CCDC192: variants seen among roughly 807,000 people sequenced by gnomAD.
CCDC192 encodes coiled-coil domain containing 192.
chr5:127,897,491 A>T (rs945293772), intron 6 of CCDC192, among the ~76,000 whole-genome samples: 3 of 152,228 alleles, frequency 2.0e-5, no homozygotes, highest in Admixed American at 2.0e-4. Flanking sequence ...CTAAGTGCTT[A>T]TGACAGAGCA....
intron 6 of CCDC192, among the ~76,000 whole-genome samples, chr5:127,919,787 A>G (rs1429488627): frequency 6.6e-6 from 1 of 152,110 alleles, no homozygotes; most frequent in Non-Finnish European, 1.5e-5. Flanking sequence ...ATCTCACAAG[A>G]TATCACTCTC....
chr5:127,746,612 CTT>C lies in CCDC192; in HGVS notation c.115-7643_115-7642del, dbSNP rs5871272. On this transcript the variant is annotated intron_variant, in intron 2 of 6. Coordinates refer to ENST00000514853, the MANE Select transcript of CCDC192 (RefSeq NM_001317938.2). ...AATACACAAGAATTTTGTTTAAAGCCTTTTTTTTTTTTTTGAGAATTTTTGAA... is the reference window on the plus strand; with the variant it reads ...AATACACAAGAATTTTGTTTAAAGCCTTTTTTTTTTTTGAGAATTTTTGAA... Among the ~76,000 whole-genome samples the C allele has an allele frequency of 8.6e-4, 123 of 143,630 alleles. 1 individual carries two copies. Among genetic ancestry groups the C allele is most frequent in the East Asian group, 3.4e-3 (17 of 4,956 alleles). 94.2% of individuals were successfully genotyped at this position (143,630 alleles called of 152,430 possible).
At chr5:127,888,984 G>A (rs1252351952) in intron 6 of CCDC192, among the ~76,000 whole-genome samples, 1 of 150,780 alleles carries the variant, frequency 6.6e-6, no homozygotes, top group Non-Finnish European at 1.5e-5. Context: ...AAGCCAAAGG[G>A]AGGTAATTTA....
intron 6 of CCDC192, among the ~76,000 whole-genome samples, chr5:127,917,862 G>A (rs1008277149): frequency 1.3e-5 from 2 of 152,066 alleles, no homozygotes; most frequent in African/African-American, 4.8e-5. Flanking sequence ...CACTAAAACC[G>A]GGCATGGTGG....
rs142832738 is a variant in CCDC192, at chr5:127,708,980, C to T, written c.114+1220C>T. Among the ~76,000 whole-genome samples the T allele has an allele frequency of 9.6e-4, 146 of 151,926 alleles. No homozygotes were observed. In the Middle Eastern group the frequency reaches 0.031, roughly 32 times the overall value. On this transcript the variant is annotated intron_variant, in intron 2 of 6. Coordinates refer to ENST00000514853, the MANE Select transcript of CCDC192 (RefSeq NM_001317938.2). Reference sequence around the variant, plus strand: ...ATAAAGAAAAGAGATTCAATTGGCTCGCAGTTCTGCAGGCTGTACGGGAAG... The same window carrying T: ...ATAAAGAAAAGAGATTCAATTGGCTTGCAGTTCTGCAGGCTGTACGGGAAG...
intron 6 of CCDC192, among the ~76,000 whole-genome samples, chr5:127,880,209 T>C (rs1452775331): frequency 1.3e-5 from 2 of 151,174 alleles, no homozygotes; most frequent in Admixed American, 6.6e-5. Flanking sequence ...ACCCAAATGT[T>C]CAACAATGAT....
At chr5:127,822,515 T>C (rs1259245258) in intron 5 of CCDC192, among the ~76,000 whole-genome samples, 1 of 152,088 alleles carries the variant, frequency 6.6e-6, no homozygotes, top group Non-Finnish European at 1.5e-5. Flanking sequence ...TATCAGATGG[T>C]TAAATGGCTA....
chr5:127,741,417 A>G (rs947676511), intron 2 of CCDC192, among the ~76,000 whole-genome samples: 7 of 152,166 alleles, frequency 4.6e-5, no homozygotes, highest in Non-Finnish European at 8.8e-5. Flanking sequence ...TATTCCCTCT[A>G]AACAAGGATT....
intron 2 of CCDC192, among the ~76,000 whole-genome samples, chr5:127,708,725 T>G (rs1355764694): frequency 6.6e-6 from 1 of 152,160 alleles, no homozygotes; most frequent in Non-Finnish European, 1.5e-5. Flanking sequence ...ATAAGATTTT[T>G]GGGATGTGAA....
intron 3 of CCDC192, among the ~76,000 whole-genome samples, chr5:127,792,759 CAAGA>C (rs1314648262): frequency 7.1e-6 from 1 of 140,648 alleles, no homozygotes; most frequent in Non-Finnish European, 1.5e-5. Context: ...AGGAGAAAGA[CAAGA>C]AAGAGGAGGA....
At chr5:127,887,808 A>G (rs958977785) in intron 6 of CCDC192, among the ~76,000 whole-genome samples, 2 of 149,914 alleles carry the variant, frequency 1.3e-5, no homozygotes. Flanking sequence ...GGTTCATGCC[A>G]TTCTCCTGCC....
At chr5:127,783,206 G>A (rs1243961767) in intron 3 of CCDC192, among the ~76,000 whole-genome samples, 1 of 152,044 alleles carries the variant, frequency 6.6e-6, no homozygotes, top group Non-Finnish European at 1.5e-5. Context: ...ATCTTGGCAA[G>A]GATGGTCTCG....
At chr5:127,747,647 G>C (rs931158953) in intron 2 of CCDC192, among the ~76,000 whole-genome samples, 2 of 151,978 alleles carry the variant, frequency 1.3e-5, no homozygotes, top group African/African-American at 4.8e-5. Context: ...GGGTCAAATG[G>C]TATTTCCAGT....
At chr5:127,708,707 C>A (rs900653178) in intron 2 of CCDC192, among the ~76,000 whole-genome samples, 4 of 152,128 alleles carry the variant, frequency 2.6e-5, no homozygotes, top group African/African-American at 9.7e-5. Context: ...TTAACTAGTG[C>A]ACTTCAAATA....
intron 5 of CCDC192, among the ~76,000 whole-genome samples, chr5:127,855,961 C>T (rs1439900007): frequency 6.6e-6 from 1 of 152,164 alleles, no homozygotes; most frequent in African/African-American, 2.4e-5. Flanking sequence ...TTCTTAAGGA[C>T]CCTAGGATTT....
chr5:127,888,433 A>G (rs897490584), intron 6 of CCDC192, among the ~76,000 whole-genome samples: 5 of 152,094 alleles, frequency 3.3e-5, no homozygotes, highest in Non-Finnish European at 5.9e-5. Flanking sequence ...CAAAAAAAAA[A>G]GTCAGGACAT....
At chr5:127,830,650 G>A (rs1454281116) in intron 5 of CCDC192, among the ~76,000 whole-genome samples, 1 of 151,802 alleles carries the variant, frequency 6.6e-6, no homozygotes, top group Non-Finnish European at 1.5e-5. Context: ...AGGTACAGAG[G>A]GATAGGACAT....
At chr5:127,856,559 T>TA (rs1453377434) in intron 5 of CCDC192, among the ~76,000 whole-genome samples, 4 of 152,256 alleles carry the variant, frequency 2.6e-5, no homozygotes, top group African/African-American at 9.6e-5. Flanking sequence ...GCAACAGGCC[T>TA]AGCTTTCAGC....
chr5:127,712,982 C>G (rs1460438723), intron 2 of CCDC192, among the ~76,000 whole-genome samples: 1 of 152,192 alleles, frequency 6.6e-6, no homozygotes, highest in African/African-American at 2.4e-5. Context: ...CGCCTGTAAT[C>G]CCAGCACTTT....
Sources: gnomAD v4.1 joint callset for allele counts (sites outside exome capture counted in the v4.1 genomes callset) on GRCh38, gnomAD v4.1.1 for gene constraint, MANE v1.5 for transcripts, NCBI Gene and HGNC (gene_info 2026-07-23, HGNC 2026-07-21) for gene names.